TOM1L2: variants seen among roughly 807,000 people sequenced by gnomAD.
The protein encoded by TOM1L2 is TOM1-like protein 2.
A neutral mutation model predicts 67.9 loss-of-function variants in TOM1L2; 31 were observed. That is an observed-to-expected ratio of 0.46 (90% CI 0.34 to 0.62). The LOEUF is 0.62. TOM1L2 is among the 20% of genes least tolerant of loss of function. The pLI is 0.01. For synonymous variants in TOM1L2, 256 were observed against 254.0 expected (o/e 1.01, Z -0.07); for missense variants, 606 against 663.5 (o/e 0.91, Z 0.95).
At position 17,945,761 on chromosome 17, in the gene TOM1L2, TA is replaced by T. The variant is rs879299268; in HGVS notation, c.52+26500del. ...AATGAAATGTAGGACTCTTTCCATT[TA>T]AAAAAAGAGAAAAAGTAATTATAGA... On this transcript the variant is annotated intron_variant, in intron 1 of 14. Transcript: ENST00000379504. 6.6e-4 allele frequency among the ~76,000 whole-genome samples: 100 copies of T among 152,134 alleles called. 1 individual carries two copies. The highest frequency in any genetic ancestry group is 1.1e-3 in the Non-Finnish European group (76 of 67,986).
At chr17:17,924,296 G>A (rs1436289869) in intron 1 of TOM1L2, among the ~76,000 whole-genome samples, 2 of 152,038 alleles carry the variant, frequency 1.3e-5, no homozygotes, top group Non-Finnish European at 2.9e-5. Flanking sequence ...TAATGGGTAC[G>A]GAATGATGAA....
intron 1 of TOM1L2, among the ~76,000 whole-genome samples, chr17:17,932,533 C>A (rs1235698884): frequency 1.3e-5 from 2 of 152,086 alleles, no homozygotes; most frequent in Admixed American, 1.3e-4. Context: ...AACTGTTTTA[C>A]AAACAGTTGA....
chr17:17,865,181 T>C (rs1215233550), intron 10 of TOM1L2, among the ~76,000 whole-genome samples: 1 of 152,176 alleles, frequency 6.6e-6, no homozygotes, highest in Admixed American at 6.6e-5. Context: ...TTCCAGACAA[T>C]GGACTGCTTT....
chr17:17,968,885 G>C (rs2041964689), intron 1 of TOM1L2, among the ~76,000 whole-genome samples: 2 of 151,962 alleles, frequency 1.3e-5, no homozygotes, highest in Admixed American at 6.6e-5. Flanking sequence ...CATCCTTTAT[G>C]AACAGCCCTC....
chr17:17,915,047 G>A (rs1175431135), intron 1 of TOM1L2, among the ~76,000 whole-genome samples: 4 of 152,040 alleles, frequency 2.6e-5, no homozygotes, highest in Non-Finnish European at 4.4e-5. Context: ...AGTTTGTTAC[G>A]TAAAAAACAA....
At chr17:17,920,683 G>A (rs867869361) in intron 1 of TOM1L2, among the ~76,000 whole-genome samples, 2 of 152,088 alleles carry the variant, frequency 1.3e-5, no homozygotes, top group African/African-American at 4.8e-5. Flanking sequence ...TGCCCAGGCT[G>A]GAGTGCAGTG....
At chr17:17,911,393 A>G (rs1031356208) in intron 1 of TOM1L2, among the ~76,000 whole-genome samples, 2 of 152,240 alleles carry the variant, frequency 1.3e-5, no homozygotes, top group Non-Finnish European at 2.9e-5. Context: ...CAGAGAGGTC[A>G]GCACTTTACA....
At chr17:17,936,970 T>C (rs913062963) in intron 1 of TOM1L2, among the ~76,000 whole-genome samples, 4 of 152,342 alleles carry the variant, frequency 2.6e-5, no homozygotes, top group East Asian at 1.9e-4. Flanking sequence ...CCTCATACCA[T>C]GAGGGCTCAG....
intron 1 of TOM1L2, among the ~76,000 whole-genome samples, chr17:17,929,250 C>T (rs1040062186): frequency 6.6e-6 from 1 of 152,180 alleles, no homozygotes; most frequent in East Asian, 1.9e-4. Context: ...CTGGGCCATG[C>T]TCCACCCAGT....
chr17:17,955,419 A>G (rs1007980426), intron 1 of TOM1L2, among the ~76,000 whole-genome samples: 1 of 146,736 alleles, frequency 6.8e-6, no homozygotes, highest in Admixed American at 6.9e-5. Flanking sequence ...GCTCACCTCA[A>G]TCTCTGCCTC....
intron 1 of TOM1L2, among the ~76,000 whole-genome samples, chr17:17,954,262 A>C (rs1012949572): frequency 6.6e-6 from 1 of 152,140 alleles, no homozygotes; most frequent in Non-Finnish European, 1.5e-5. Flanking sequence ...AGACGGGAAG[A>C]AGCCCAGTCA....
chr17:17,935,773 A>C lies in TOM1L2; in HGVS notation c.53-28242T>G, dbSNP rs544472096. 2.0e-5 allele frequency among the ~76,000 whole-genome samples: 3 copies of C among 152,368 alleles called. No individual in the cohort carries two copies. The South Asian group carries it at 6.2e-4, about 32-fold the overall frequency. The stretch of plus-strand genomic sequence containing the variant: ...AAGGAACGAGGTCACAAGTGATGAA[A>C]TACAGTTGGCAAATCAACCTAAAAA... On this transcript the variant is annotated intron_variant, in intron 1 of 14. Coordinates refer to ENST00000379504, the MANE Select transcript of TOM1L2 (RefSeq NM_001082968.2).
At chr17:17,908,621 G>A (rs1343508340) in intron 1 of TOM1L2, among the ~76,000 whole-genome samples, 1 of 152,016 alleles carries the variant, frequency 6.6e-6, no homozygotes, top group African/African-American at 2.4e-5. Flanking sequence ...TTAAAAAATG[G>A]GAAAGGACTT....
chr17:17,878,157 T>C (rs1023747110), intron 7 of TOM1L2, among the ~76,000 whole-genome samples: 5 of 152,226 alleles, frequency 3.3e-5, no homozygotes, highest in Admixed American at 6.5e-5. Context: ...AGGCTAGGAA[T>C]GGAGGCCAAT....
chr17:17,925,662 C>T (rs536692119), intron 1 of TOM1L2, among the ~76,000 whole-genome samples: 6 of 140,050 alleles, frequency 4.3e-5, no homozygotes, highest in South Asian at 2.4e-4. Context: ...GCCAACATAG[C>T]GACCTCACCT....
intron 1 of TOM1L2, among the ~76,000 whole-genome samples, chr17:17,941,032 C>T (rs2040713294): frequency 6.6e-6 from 1 of 152,164 alleles, no homozygotes; most frequent in South Asian, 2.1e-4. Context: ...TTAGGGGAAA[C>T]TACACTTCTG....
At chr17:17,861,003 T>A (rs1339923852) in intron 12 of TOM1L2, among the ~76,000 whole-genome samples, 1 of 152,218 alleles carries the variant, frequency 6.6e-6, no homozygotes, top group Non-Finnish European at 1.5e-5. Flanking sequence ...CAAATGGCCA[T>A]CAGAGATGTG....
chr17:17,850,273 G>C (rs1385581075), intron 13 of TOM1L2, among the ~76,000 whole-genome samples: 1 of 152,170 alleles, frequency 6.6e-6, no homozygotes, highest in Non-Finnish European at 1.5e-5. Flanking sequence ...GGGGCCAGCA[G>C]TTATCACATG....
intron 8 of TOM1L2, 191 bp downstream of exon 8, chr17:17,869,149 C>T: frequency 1.0e-5 from 11 of 1,068,294 alleles, no homozygotes; most frequent in African/African-American, 1.6e-5. Context: ...GCTGCTTCTG[C>T]TGCTCAGTTC....
Sources: allele counts gnomAD v4.1 joint callset (sites outside exome capture counted in the v4.1 genomes callset), GRCh38; gene constraint gnomAD v4.1.1; transcripts MANE v1.5; gene names NCBI Gene and HGNC (gene_info 2026-07-23, HGNC 2026-07-21).